Variants in ATP2C1 observed in about 807,000 individuals in gnomAD.
ATP2C1 encodes the protein ATPase secretory pathway Ca2+ transporting 1, also known as calcium-transporting ATPase type 2C member 1.
ATP2C1 carries 31 observed loss-of-function variants against 120.5 expected under a neutral mutation model. The observed-to-expected ratio is 0.26, with a 90% CI of 0.19 to 0.35. The LOEUF is 0.35. ATP2C1 is among the 10% of genes least tolerant of loss of function. ATP2C1 has a pLI of 1.00. For missense variants in ATP2C1, 731 were observed against 1,107.5 expected, an observed-to-expected ratio of 0.66 and a Z score of 4.83; for synonymous variants, 351 against 358.7, an observed-to-expected ratio of 0.98 and a Z score of 0.24.
intron 1 of ATP2C1, among the ~76,000 whole-genome samples, chr3:130,855,472 T>C (rs1311043292): frequency 2.6e-5 from 4 of 152,142 alleles, no homozygotes; most frequent in Non-Finnish European, 5.9e-5. Flanking sequence ...AGGGTTATTA[T>C]CCTTAGTAAG....
At chr3:130,900,816 T>C (rs2057785386) in intron 2 of ATP2C1, among the ~76,000 whole-genome samples, 1 of 152,224 alleles carries the variant, frequency 6.6e-6, no homozygotes, top group African/African-American at 2.4e-5. Flanking sequence ...TTTTCATTTG[T>C]AGTATAAATA....
At chr3:130,951,659 A>G (rs967096080) in intron 8 of ATP2C1, among the ~76,000 whole-genome samples, 1 of 152,200 alleles carries the variant, frequency 6.6e-6, no homozygotes, top group Non-Finnish European at 1.5e-5. Context: ...GCCTTTGAAC[A>G]TGACAGGTGT....
chr3:130,857,251 G>C (rs2067871238), intron 1 of ATP2C1, among the ~76,000 whole-genome samples: 1 of 152,184 alleles, frequency 6.6e-6, no homozygotes, highest in South Asian at 2.1e-4. Flanking sequence ...AGATGCCTGA[G>C]AGTTATCATT....
intron 1 of ATP2C1, among the ~76,000 whole-genome samples, chr3:130,885,872 A>C (rs1197398697): frequency 6.6e-6 from 1 of 152,164 alleles, no homozygotes; most frequent in African/African-American, 2.4e-5. Flanking sequence ...TTTTTATATT[A>C]GATTTGGGGG....
intron 8 of ATP2C1, among the ~76,000 whole-genome samples, chr3:130,942,490 T>C (rs529132850): frequency 6.6e-6 from 1 of 152,330 alleles, no homozygotes; most frequent in South Asian, 2.1e-4. Flanking sequence ...AATTAAGCTG[T>C]TTGTTAACAC....
At chr3:130,950,729 C>T (rs2060336167) in intron 8 of ATP2C1, among the ~76,000 whole-genome samples, 1 of 151,986 alleles carries the variant, frequency 6.6e-6, no homozygotes, top group African/African-American at 2.4e-5. Flanking sequence ...AATTAGGGTC[C>T]TGAGCTCCTT....
chr3:130,923,499 G>T (rs953920301), intron 2 of ATP2C1, among the ~76,000 whole-genome samples: 7 of 152,004 alleles, frequency 4.6e-5, no homozygotes, highest in African/African-American at 1.7e-4. Context: ...TTACAGGCGT[G>T]AGCCACCACA....
At chr3:130,878,029 A>G (rs1445360114) in intron 1 of ATP2C1, among the ~76,000 whole-genome samples, 2 of 151,622 alleles carry the variant, frequency 1.3e-5, no homozygotes, top group African/African-American at 4.8e-5. Context: ...TGAGCAAACT[A>G]TCACAAGGAC....
At chr3:130,931,337 G>A (rs1012248332) in intron 3 of ATP2C1, among the ~76,000 whole-genome samples, 11 of 152,040 alleles carry the variant, frequency 7.2e-5, no homozygotes, top group South Asian at 4.1e-4. Flanking sequence ...TGTAGGTAGT[G>A]TTTATAGAAC....
intron 3 of ATP2C1, 119 bp from the exon 4 acceptor site, chr3:130,931,903 G>C: frequency 1.4e-6 from 1 of 705,302 alleles, no homozygotes. Flanking sequence ...TCTCATAATA[G>C]ACTAGTTTTG....
At chr3:130,890,553 G>T (rs1425265892), upstream of ATP2C1, among the ~76,000 whole-genome samples, 1 of 152,360 alleles carries the variant, frequency 6.6e-6, no homozygotes, top group African/African-American at 2.4e-5. Context: ...GCTAGCAAGT[G>T]TGAAAGAGGC....
At position 130,934,610 on chromosome 3, in the gene ATP2C1, T is replaced by A. The variant is rs1352015299; in HGVS notation, c.235-12T>A. ...AAAACTGTGTTGAATTGCTGTTTGTTTTTACTTTCAGTTTAAAAATCCCCT... is the reference window on the plus strand; with the variant it reads ...AAAACTGTGTTGAATTGCTGTTTGTATTTACTTTCAGTTTAAAAATCCCCT... On this transcript the variant is annotated splice_polypyrimidine_tract_variant and intron_variant, in intron 4 of 27. Transcript: ENST00000510168. The A allele has an allele frequency of 1.9e-6, 3 of 1,591,822 alleles. No individual in the cohort carries two copies. In the South Asian group the frequency reaches 3.3e-5, roughly 18 times the overall value.
chr3:130,920,861 C>G (rs1391139488), intron 2 of ATP2C1, among the ~76,000 whole-genome samples: 1 of 152,012 alleles, frequency 6.6e-6, no homozygotes, highest in Non-Finnish European at 1.5e-5. Context: ...TCATTGTTTT[C>G]TGGTTTTCAA....
At chr3:130,967,309 G>A in intron 15 of ATP2C1, 21 bp from the exon 16 acceptor site, 1 of 1,613,012 alleles carries the variant, frequency 6.2e-7, no homozygotes, top group East Asian at 2.2e-5. Flanking sequence ...TAGGTTCATA[G>A]TTTATGTGTA....
chr3:130,870,185 A>AT (rs1056575705), intron 1 of ATP2C1, among the ~76,000 whole-genome samples: 14 of 152,310 alleles, frequency 9.2e-5, no homozygotes, highest in African/African-American at 3.1e-4. Context: ...AAAAAAATAG[A>AT]TTCCTTTCAA....
intron 2 of ATP2C1, among the ~76,000 whole-genome samples, chr3:130,919,712 AG>A (rs1258288848): frequency 6.6e-6 from 1 of 152,168 alleles, no homozygotes; most frequent in Non-Finnish European, 1.5e-5. Context: ...AATACCCCAA[AG>A]TGGGACTTCT....
At chr3:130,976,573 T>C (rs1384643450) in intron 18 of ATP2C1, among the ~76,000 whole-genome samples, 2 of 152,092 alleles carry the variant, frequency 1.3e-5, no homozygotes, top group Non-Finnish European at 2.9e-5. Flanking sequence ...TGGAAAAAAA[T>C]TTAAAGGAAA....
chr3:130,893,965 A>G, upstream of ATP2C1: 1 of 985,584 alleles, frequency 1.0e-6, no homozygotes. Flanking sequence ...GCCTGCGCGC[A>G]CCTCTCTCAG....
At chr3:130,963,801 T>C in intron 12 of ATP2C1, 170 bp from the exon 13 acceptor site, 1 of 729,148 alleles carries the variant, frequency 1.4e-6, no homozygotes, top group South Asian at 1.8e-5. Context: ...ACCTGGCAGC[T>C]ACTAGGTATC....
Sources: allele counts gnomAD v4.1 joint callset (sites outside exome capture counted in the v4.1 genomes callset), GRCh38; gene constraint gnomAD v4.1.1; transcripts MANE v1.5; gene names NCBI Gene and HGNC (gene_info 2026-07-23, HGNC 2026-07-21).